The following TMC1 variants were observed in gnomAD, a reference collection of about 807,000 sequenced individuals.
TMC1 encodes the protein transmembrane channel-like protein 1.
Under a neutral mutation model 105.8 loss-of-function variants are expected in TMC1, and 84 were observed. That is an observed-to-expected ratio of 0.79 (90% CI 0.67 to 0.95). The LOEUF (loss-of-function observed/expected upper bound fraction) is 0.95. Ranked by LOEUF, TMC1 falls within the 40% of genes least tolerant of loss-of-function variation. TMC1 has a pLI of 0.00. For missense variants in TMC1, 817 were observed against 914.1 expected (o/e 0.89, Z 1.37); for synonymous variants, 315 against 311.5 (o/e 1.01, Z -0.12).
At chr9:72,702,409 T>C (rs1048916513) in intron 8 of TMC1, among the ~76,000 whole-genome samples, 2 of 152,138 alleles carry the variant, frequency 1.3e-5, no homozygotes, top group Non-Finnish European at 2.9e-5. Flanking sequence ...TCGAGTTGTG[T>C]AGTCTCTCTA....
intron 18 of TMC1, among the ~76,000 whole-genome samples, chr9:72,815,300 A>T (rs1028880576): frequency 2.6e-4 from 39 of 152,270 alleles, no homozygotes; most frequent in Middle Eastern, 3.4e-3. Flanking sequence ...GCTCCTCTGT[A>T]CAAAAAACAG....
chr9:72,668,435 T>C (rs919951332), intron 5 of TMC1, among the ~76,000 whole-genome samples: 3 of 152,324 alleles, frequency 2.0e-5, no homozygotes, highest in African/African-American at 4.8e-5. Flanking sequence ...TTCTTGTTGA[T>C]TGAGTGAATT....
At chr9:72,764,705 G>A (rs1421696195) in intron 12 of TMC1, among the ~76,000 whole-genome samples, 1 of 152,092 alleles carries the variant, frequency 6.6e-6, no homozygotes, top group Non-Finnish European at 1.5e-5. Flanking sequence ...ATTTAAAGGA[G>A]CTTATTCTAA....
At chr9:72,701,906 C>T (rs1826652501) in intron 8 of TMC1, among the ~76,000 whole-genome samples, 1 of 152,138 alleles carries the variant, frequency 6.6e-6, no homozygotes, top group Admixed American at 6.5e-5. Flanking sequence ...TGGGAACTCC[C>T]TTTGCATGCT....
At chr9:72,688,670 C>T (rs751389124) in intron 5 of TMC1, 39 bp from the exon 6 acceptor site, 3 of 1,523,974 alleles carry the variant, frequency 2.0e-6, no homozygotes, top group African/African-American at 2.8e-5. Context: ...ATTGTACAGG[C>T]ATTTAAATAA....
chr9:72,637,710 G>A (rs1045266083), intron 4 of TMC1, among the ~76,000 whole-genome samples: 3 of 152,110 alleles, frequency 2.0e-5, no homozygotes, highest in Non-Finnish European at 2.9e-5. Context: ...CATGTGTTTT[G>A]ACAGTTTGCC....
intron 17 of TMC1, among the ~76,000 whole-genome samples, chr9:72,792,729 A>AAAACC (rs1828295740): frequency 6.6e-6 from 1 of 152,162 alleles, no homozygotes; most frequent in Admixed American, 6.5e-5. Flanking sequence ...AAAACAAAAC[A>AAAACC]AACAAACAAA....
At chr9:72,600,849 G>A (rs1274372483) in intron 2 of TMC1, among the ~76,000 whole-genome samples, 1 of 152,148 alleles carries the variant, frequency 6.6e-6, no homozygotes, top group Non-Finnish European at 1.5e-5. Context: ...CAGAGGTCTG[G>A]GTTCCACCCC....
chr9:72,698,520 G>A (rs1172616183), intron 7 of TMC1, among the ~76,000 whole-genome samples: 2 of 152,084 alleles, frequency 1.3e-5, no homozygotes, highest in African/African-American at 4.8e-5. Flanking sequence ...TTTGTTATTG[G>A]TCAATATCTA....
intron 8 of TMC1, among the ~76,000 whole-genome samples, chr9:72,728,733 G>A (rs1004335897): frequency 7.2e-5 from 11 of 152,084 alleles, no homozygotes; most frequent in African/African-American, 2.7e-4. Flanking sequence ...GGGGAAACCT[G>A]TGTGGTCTCC....
intron 10 of TMC1, among the ~76,000 whole-genome samples, chr9:72,748,064 T>G (rs74814764): frequency 6.6e-6 from 1 of 151,088 alleles, no homozygotes; most frequent in African/African-American, 2.5e-5. Context: ...ATTCATTGCA[T>G]GTTTATTGTA....
chr9:72,697,703 T>G (rs1243780410), intron 7 of TMC1, among the ~76,000 whole-genome samples: 1 of 152,112 alleles, frequency 6.6e-6, no homozygotes, highest in Non-Finnish European at 1.5e-5. Context: ...CTGTTTTACA[T>G]GTGATTCTTA....
At chr9:72,583,607 A>T (rs1030560850) in intron 2 of TMC1, among the ~76,000 whole-genome samples, 10 of 152,212 alleles carry the variant, frequency 6.6e-5, no homozygotes, top group Non-Finnish European at 1.3e-4. Context: ...TGCTTCCCTC[A>T]AGCAATGGCA....
intron 17 of TMC1, among the ~76,000 whole-genome samples, chr9:72,799,537 A>G (rs1027303846): frequency 7.2e-5 from 11 of 152,158 alleles, no homozygotes; most frequent in Admixed American, 1.3e-4. Flanking sequence ...TTATGGTATA[A>G]TTGAAAATTC....
chr9:72,609,522 A>G (rs1824987569), intron 2 of TMC1, among the ~76,000 whole-genome samples: 1 of 148,208 alleles, frequency 6.7e-6, no homozygotes, highest in South Asian at 2.1e-4. Flanking sequence ...CCTGGGTGAC[A>G]GAGTGAGTGA....
intron 2 of TMC1, among the ~76,000 whole-genome samples, chr9:72,583,646 A>G (rs1824506904): frequency 6.6e-6 from 1 of 152,216 alleles, no homozygotes; most frequent in Non-Finnish European, 1.5e-5. Flanking sequence ...AGTGAGAACC[A>G]TGTAATTAAA....
chr9:72,552,906 A>C (rs1823879593), intron 1 of TMC1, among the ~76,000 whole-genome samples: 1 of 152,182 alleles, frequency 6.6e-6, no homozygotes, highest in South Asian at 2.1e-4. Context: ...AAATGTCCAT[A>C]TTAAATATAC....
Position 72,612,232 on chromosome 9 carries a change from A to T in TMC1, c.-305-4136A>T, listed in dbSNP as rs116153907. On this transcript the variant is annotated intron_variant, in intron 2 of 23. Coordinates refer to ENST00000297784, the MANE Select transcript of TMC1 (RefSeq NM_138691.3). Reference sequence around the variant, plus strand: ...ATTGCCTACATAACTTAACCAGTGTATGCTTACTACTCACTGCAGCCTTGA... The same window carrying T: ...ATTGCCTACATAACTTAACCAGTGTTTGCTTACTACTCACTGCAGCCTTGA... Among the ~76,000 whole-genome samples the T allele has an allele frequency of 2.2e-3, 335 of 152,232 alleles. 4 individuals are homozygous for T. The highest frequency in any genetic ancestry group is 7.8e-3 in the African/African-American group (323 of 41,534).
chr9:72,666,927 A>G (rs918281913), intron 5 of TMC1, among the ~76,000 whole-genome samples: 4 of 150,504 alleles, frequency 2.7e-5, no homozygotes, highest in Non-Finnish European at 4.4e-5. Context: ...CAAAACAAAC[A>G]ATAAACGAAA....
Sources: gnomAD v4.1 joint callset for allele counts (sites outside exome capture counted in the v4.1 genomes callset) on GRCh38, gnomAD v4.1.1 for gene constraint, MANE v1.5 for transcripts, NCBI Gene and HGNC (gene_info 2026-07-23, HGNC 2026-07-21) for gene names.